Variants in SCAPER observed in about 807,000 individuals in gnomAD.
SCAPER encodes S-phase cyclin A associated protein in the ER.
SCAPER carries 98 observed loss-of-function variants against 182.2 expected under a neutral mutation model. The observed-to-expected ratio is 0.54, with a 90% confidence interval of 0.46 to 0.64. The LOEUF is 0.64. Among genes scored for constraint, SCAPER ranks in the 30% least tolerant of loss-of-function variants. The pLI is 0.00. For synonymous variants in SCAPER, 605 were observed against 564.6 expected (o/e 1.07, Z -1.01); for missense variants, 1,432 against 1,690.0 (o/e 0.85, Z 2.68).
chr15:76,455,342 G>A (rs1185590538), intron 25 of SCAPER, among the ~76,000 whole-genome samples: 3 of 152,060 alleles, frequency 2.0e-5, no homozygotes, highest in Non-Finnish European at 4.4e-5. Context: ...AGTTTATTAT[G>A]GGAATCTCTA....
intron 21 of SCAPER, among the ~76,000 whole-genome samples, chr15:76,650,495 C>A (rs908583719): frequency 2.0e-5 from 3 of 151,736 alleles, no homozygotes; most frequent in Non-Finnish European, 4.4e-5. Flanking sequence ...GTATATATAT[C>A]TAATAACAAA....
At chr15:76,559,331 C>A (rs924870957) in intron 23 of SCAPER, among the ~76,000 whole-genome samples, 1 of 150,750 alleles carries the variant, frequency 6.6e-6, no homozygotes, top group Non-Finnish European at 1.5e-5. Flanking sequence ...GCTGGGATTA[C>A]AGTTGTGAGC....
chr15:76,433,585 C>T (rs1382067624), intron 26 of SCAPER, among the ~76,000 whole-genome samples: 1 of 152,036 alleles, frequency 6.6e-6, no homozygotes, highest in Non-Finnish European at 1.5e-5. Context: ...CCCTTTTGTC[C>T]AAAATTTTTG....
chr15:76,350,151 G>T (rs1040316778), intron 31 of SCAPER: 24 of 152,168 alleles, frequency 1.6e-4, no homozygotes, highest in African/African-American at 5.8e-4. Context: ...ACTGGGTCAG[G>T]GCAGAACTGA....
intron 28 of SCAPER, among the ~76,000 whole-genome samples, chr15:76,376,938 G>A (rs542394745): frequency 6.6e-6 from 1 of 152,156 alleles, no homozygotes; most frequent in Non-Finnish European, 1.5e-5. Flanking sequence ...AAGGGCTGTC[G>A]GCGGTGGGCG....
intron 20 of SCAPER, among the ~76,000 whole-genome samples, chr15:76,685,113 A>G (rs988891538): frequency 3.9e-5 from 6 of 152,010 alleles, no homozygotes; most frequent in Non-Finnish European, 8.8e-5. Context: ...TCACTATACT[A>G]AAAGATTAAA....
chr15:76,584,406 A>G (rs1285619741), intron 22 of SCAPER, among the ~76,000 whole-genome samples: 3 of 152,222 alleles, frequency 2.0e-5, no homozygotes, highest in Non-Finnish European at 2.9e-5. Flanking sequence ...ATAACAGAGT[A>G]TAATTGGATA....
chr15:76,495,719 A>G (rs2040437737), intron 24 of SCAPER, among the ~76,000 whole-genome samples: 1 of 152,096 alleles, frequency 6.6e-6, no homozygotes, highest in Non-Finnish European at 1.5e-5. Context: ...CCAGAGAGGA[A>G]CAAAACTGCA....
intron 5 of SCAPER, among the ~76,000 whole-genome samples, chr15:76,821,609 G>T (rs1459858869): frequency 1.3e-5 from 2 of 151,760 alleles, no homozygotes; most frequent in African/African-American, 4.8e-5. Flanking sequence ...GGGTGACAGG[G>T]CGAGACCTTC....
intron 25 of SCAPER, among the ~76,000 whole-genome samples, chr15:76,448,011 G>A (rs2048116211): frequency 6.6e-6 from 1 of 152,150 alleles, no homozygotes; most frequent in Non-Finnish European, 1.5e-5. Flanking sequence ...GGACACATGA[G>A]GAAACAGCAT....
At chr15:76,635,861 G>C (rs1349085282) in intron 21 of SCAPER, among the ~76,000 whole-genome samples, 2 of 152,084 alleles carry the variant, frequency 1.3e-5, no homozygotes, top group African/African-American at 4.8e-5. Context: ...ATATTATATT[G>C]TGTGACTTTT....
At chr15:76,428,927 T>C (rs2046656061) in intron 26 of SCAPER, among the ~76,000 whole-genome samples, 1 of 137,040 alleles carries the variant, frequency 7.3e-6, no homozygotes, top group Non-Finnish European at 1.6e-5. Context: ...GTTTGTATAG[T>C]TACTGATATG....
chr15:76,728,659 G>T lies in SCAPER; in HGVS notation c.2101C>A (p.Arg701=). 6.2e-7 allele frequency: 1 copy of T among 1,613,492 alleles called. No individual in the cohort carries two copies. Among genetic ancestry groups the T allele is most frequent in the South Asian group, 1.1e-5 (1 of 91,058 alleles). The change falls in exon 17 of 32, where the codon CGA becomes AGA. Residue 701 remains arginine (R), a synonymous_variant. Coordinates refer to ENST00000563290, the MANE Select transcript of SCAPER (RefSeq NM_020843.4). ...LLMKRKEQEA[R]IEQQRQEKEK... is the part of the protein sequence containing the mutation. ...TTTTCTTGCCTCTGTTGTTCAATTC[G>T]GGCTTCTTGTTCTTTCCTCTTCATT...
intron 16 of SCAPER, 123 bp downstream of exon 16, chr15:76,733,106 T>C (rs1278293048): frequency 1.1e-6 from 1 of 883,064 alleles, no homozygotes; most frequent in Admixed American, 2.9e-5. Context: ...CTTTGTCTTA[T>C]GTCTTTATTT....
chr15:76,431,391 G>A (rs1159960699), intron 26 of SCAPER, among the ~76,000 whole-genome samples: 1 of 151,978 alleles, frequency 6.6e-6, no homozygotes, highest in Non-Finnish European at 1.5e-5. Context: ...AAACTTGACT[G>A]AAACAAATAA....
At chr15:76,356,828 C>T (rs1157511919) in intron 29 of SCAPER, among the ~76,000 whole-genome samples, 1 of 152,180 alleles carries the variant, frequency 6.6e-6, no homozygotes, top group Admixed American at 6.5e-5. Context: ...GGTGGCCACA[C>T]TCATCAGCCA....
intron 9 of SCAPER, among the ~76,000 whole-genome samples, chr15:76,774,202 C>T (rs941906500): frequency 6.6e-6 from 1 of 151,506 alleles, no homozygotes; most frequent in Admixed American, 6.6e-5. Flanking sequence ...ACACTAAGGA[C>T]AATCACTTTA....
intron 24 of SCAPER, among the ~76,000 whole-genome samples, chr15:76,493,343 G>A (rs2052518505): frequency 6.6e-6 from 1 of 151,968 alleles, no homozygotes; most frequent in Admixed American, 6.6e-5. Context: ...TCTTCAACTA[G>A]ATGTGTTATT....
At chr15:76,444,065 G>GTT (rs2047816711) in intron 25 of SCAPER, among the ~76,000 whole-genome samples, 1 of 152,174 alleles carries the variant, frequency 6.6e-6, no homozygotes, top group Non-Finnish European at 1.5e-5. Context: ...CATGAGCAGA[G>GTT]TAACACCTGG....
Sources: allele counts gnomAD v4.1 joint callset (sites outside exome capture counted in the v4.1 genomes callset), GRCh38; gene constraint gnomAD v4.1.1; transcripts MANE v1.5; gene names NCBI Gene and HGNC (gene_info 2026-07-23, HGNC 2026-07-21).